The following ORC1 variants were observed in gnomAD, a reference collection of about 807,000 sequenced individuals.
The protein encoded by ORC1 is origin recognition complex, subunit 1 homolog.
In ORC1, 61 loss-of-function variants were observed where a neutral mutation model predicts 98.9. The ratio of observed to expected loss-of-function variants is 0.62; its 90% CI spans 0.50 to 0.76. ORC1 has a LOEUF of 0.76. ORC1 is among the 30% of genes least tolerant of loss of function. The probability of loss-of-function intolerance (pLI) is 0.00; values close to 1 mark genes in which losing one functional copy is unlikely to be tolerated. For missense variants in ORC1, 979 were observed against 1,072.2 expected, an observed-to-expected ratio of 0.91 and a Z score of 1.21; for synonymous variants, 385 against 406.9, an observed-to-expected ratio of 0.95 and a Z score of 0.65.
chr1:52,393,837 A>C, intron 5 of ORC1, 34 bp from the exon 6 acceptor site: 2 of 1,605,430 alleles, frequency 1.2e-6, no homozygotes, highest in Non-Finnish European at 1.7e-6. Flanking sequence ...TAAATTTTTT[A>C]CCTAACAATA....
In ORC1 at chr1:52,393,581, C is replaced by T. The variant is rs770377110; in HGVS notation, c.944G>A (p.Arg315His). ...TGCAATTCGGGTTCTCAGGATTATG[C>T]GATGTTCAGGTGAAGCCTTCTTGTC... ...EDDKKASPEHRIILRTRIAAS... is the reference protein window; with the variant it reads ...EDDKKASPEHHIILRTRIAAS... Residue 315 changes from arginine (R) to histidine (H), a missense_variant, in exon 6 of 17, where the codon CGC becomes CAC. By Grantham distance (29) the Arg-to-His change is conservative. Coordinates refer to ENST00000371568, the MANE Select transcript of ORC1 (RefSeq NM_004153.4). The T allele has an allele frequency of 1.2e-5, 19 of 1,614,002 alleles. No homozygotes were observed. The highest frequency in any genetic ancestry group is 5.3e-5 in the African/African-American group (4 of 74,898).
At chr1:52,406,327 T>G (rs1028616634), upstream of ORC1, among the ~76,000 whole-genome samples, 1 of 152,178 alleles carries the variant, frequency 6.6e-6, no homozygotes, top group Non-Finnish European at 1.5e-5. Context: ...TGTATTAATC[T>G]TCTACTTTAC....
intron 6 of ORC1, 30 bp downstream of exon 6, chr1:52,393,413 A>G: frequency 1.2e-6 from 2 of 1,613,838 alleles, no homozygotes; most frequent in South Asian, 1.1e-5. Context: ...AAGGATTTCA[A>G]TTTGCTCTGT....
At chr1:52,388,176 T>TA (rs1647168494) in intron 8 of ORC1, among the ~76,000 whole-genome samples, 1 of 152,226 alleles carries the variant, frequency 6.6e-6, no homozygotes, top group Non-Finnish European at 1.5e-5. Flanking sequence ...GTCTTGTACT[T>TA]ACTTCCCTCA....
intron 13 of ORC1, 85 bp downstream of exon 13, chr1:52,383,335 C>A: frequency 6.5e-7 from 1 of 1,528,382 alleles, no homozygotes; most frequent in South Asian, 1.1e-5. Flanking sequence ...AGGCGTGAGC[C>A]ACCACACCTG....
chr1:52,408,466 A>G, upstream of ORC1: 2 of 1,513,510 alleles, frequency 1.3e-6, no homozygotes, highest in Non-Finnish European at 1.8e-6. Flanking sequence ...CTTACCTGCC[A>G]AAGAGAAGAA....
intron 6 of ORC1, among the ~76,000 whole-genome samples, chr1:52,393,000 C>T (rs1647255416): frequency 6.6e-6 from 1 of 152,142 alleles, no homozygotes; most frequent in African/African-American, 2.4e-5. Context: ...GAAATCACCA[C>T]TTAAGAACTT....
At chr1:52,402,007 T>C (rs1006452896) in intron 2 of ORC1, 122 bp downstream of exon 2, 2 of 793,812 alleles carry the variant, frequency 2.5e-6, no homozygotes, top group Admixed American at 4.0e-5. Context: ...CTCCTTACAA[T>C]CAGTTCTAAT....
chr1:52,408,578 C>T (rs1411335555), upstream of ORC1: 2 of 1,614,182 alleles, frequency 1.2e-6, no homozygotes, highest in South Asian at 2.2e-5. Context: ...GGTATGTCCG[C>T]ATGCTGGGGG....
intron 13 of ORC1, 76 bp downstream of exon 13, chr1:52,383,344 T>G (rs1023633332): frequency 6.3e-7 from 1 of 1,578,354 alleles, no homozygotes; most frequent in African/African-American, 1.3e-5. Context: ...CCACCACACC[T>G]GGACCATTTT....
At chr1:52,377,658 G>A (rs1647010771) in intron 14 of ORC1, among the ~76,000 whole-genome samples, 1 of 108,526 alleles carries the variant, frequency 9.2e-6, no homozygotes, top group African/African-American at 3.6e-5. Context: ...CTCAAGTGGA[G>A]AATTTTATTT....
chr1:52,391,029 G>T (rs900028325), intron 6 of ORC1, among the ~76,000 whole-genome samples: 1 of 151,816 alleles, frequency 6.6e-6, no homozygotes, highest in African/African-American at 2.4e-5. Flanking sequence ...AGAAGATAAC[G>T]GGCAGGCGCA....
chr1:52,398,013 G>A (rs1349145693), intron 3 of ORC1, 150 bp from the exon 4 acceptor site: 2 of 730,724 alleles, frequency 2.7e-6, no homozygotes, highest in African/African-American at 1.7e-5. Context: ...ACCCAGGCTG[G>A]AGTGCAGTGG....
At chr1:52,380,571 TG>T (rs1338463198) in intron 14 of ORC1, among the ~76,000 whole-genome samples, 2 of 152,044 alleles carry the variant, frequency 1.3e-5, no homozygotes, top group African/African-American at 4.8e-5. Flanking sequence ...GGCACACGCC[TG>T]TAATCCCAGC....
intron 1 of ORC1, 58 bp from the exon 2 acceptor site, chr1:52,402,286 G>T: frequency 7.7e-7 from 1 of 1,299,284 alleles, no homozygotes. Context: ...TTATCTGATG[G>T]ATTCTAAGAC....
chr1:52,398,089 G>C (rs1303461549), intron 3 of ORC1, among the ~76,000 whole-genome samples: 1 of 151,738 alleles, frequency 6.6e-6, no homozygotes, highest in Non-Finnish European at 1.5e-5. Context: ...TCAGCCTCCT[G>C]AGTAGCTGAG....
At chr1:52,373,641 A>C (rs1646962180) in intron 16 of ORC1, among the ~76,000 whole-genome samples, 1 of 152,188 alleles carries the variant, frequency 6.6e-6, no homozygotes, top group Non-Finnish European at 1.5e-5. Context: ...CACTCTTTTG[A>C]GCTTCAATTT....
Position 52,375,462 on chromosome 1 carries a change from C to T in ORC1, c.2271G>A (p.Glu757=). Residue 757 remains glutamate (E), a synonymous_variant, in exon 15 of 17, where the codon GAG becomes GAA. Coordinates refer to ENST00000371568, the MANE Select transcript of ORC1 (RefSeq NM_004153.4). ...CCGTGATGTATGATGATGAAAACAT[C>T]TCATCCACAGCTTCCATTGAGTGGG... The part of the protein sequence containing the change: ...TIAHSMEAVD[E]MFSSSYITAI... The T allele has an allele frequency of 1.2e-6, 2 of 1,614,122 alleles. No homozygotes were observed. The highest frequency in any genetic ancestry group is 1.7e-6 in the Non-Finnish European group (2 of 1,180,016).
chr1:52,377,703 C>CAAAAAAAAA (rs58266239), intron 14 of ORC1, among the ~76,000 whole-genome samples: 100 of 58,594 alleles, frequency 1.7e-3, no homozygotes, highest in East Asian at 2.3e-3. Context: ...CCCCTAGAAG[C>CAAAAAAAAA]AAAAAAAAAA....
Sources: gnomAD v4.1 joint callset for allele counts (sites outside exome capture counted in the v4.1 genomes callset) on GRCh38, gnomAD v4.1.1 for gene constraint, MANE v1.5 for transcripts, NCBI Gene and HGNC (gene_info 2026-07-23, HGNC 2026-07-21) for gene names.